SLC9A3: variants seen among roughly 807,000 people sequenced by gnomAD.
SLC9A3 encodes sodium/hydrogen exchanger 3.
Under a neutral mutation model 86.8 loss-of-function variants are expected in SLC9A3, and 37 were observed. That is an observed-to-expected ratio of 0.43 (90% confidence interval 0.33 to 0.56). The LOEUF is 0.56. Ranked by LOEUF, SLC9A3 falls within the 20% of genes least tolerant of loss-of-function variation. SLC9A3 has a pLI of 0.06. For missense variants in SLC9A3, 1,011 were observed against 1,171.9 expected, an observed-to-expected ratio of 0.86 and a Z score of 2.00; for synonymous variants, 581 against 528.3, an observed-to-expected ratio of 1.10 and a Z score of -1.37.
chr5:494,509 G>A (rs1739932345), intron 1 of SLC9A3, among the ~76,000 whole-genome samples: 1 of 152,230 alleles, frequency 6.6e-6, no homozygotes, highest in Non-Finnish European at 1.5e-5. Flanking sequence ...GAGTCCTGCT[G>A]GGGGTCCCTA....
intron 2 of SLC9A3, among the ~76,000 whole-genome samples, chr5:490,635 G>A: frequency 6.6e-6 from 1 of 152,222 alleles, no homozygotes; most frequent in East Asian, 1.9e-4. Flanking sequence ...GGATCTCATG[G>A]GCGAGGGGCC....
chr5:512,933 C>T lies in SLC9A3; in HGVS notation c.211+11179G>A, dbSNP rs181129034. Among the ~76,000 whole-genome samples the T allele has an allele frequency of 4.7e-3, 716 of 152,146 alleles. 3 individuals are homozygous for T. Among genetic ancestry groups the T allele is most frequent in the Non-Finnish European group, 8.0e-3 (544 of 68,008 alleles). ...CCACGGTGCTGACACTACTGTCCGG[C>T]GTCACCAAGATCAGAGCAAATACCA... is the stretch of plus-strand genomic sequence containing the variant. On this transcript the variant is annotated intron_variant, in intron 1 of 16. Transcript: ENST00000264938.
rs373687305 is a variant in SLC9A3 at position 500,319 on chromosome 5, C to T, written c.212-8248G>A. 4.2e-4 allele frequency among the ~76,000 whole-genome samples: 64 copies of T among 152,354 alleles called. 1 individual carries two copies. The South Asian group carries it at 7.7e-3, about 18-fold the overall frequency. ...ACCGGCTTCCGGCACCACTGGGACACGCCACGAGGCTCCCCCAGCTAGGTG... is the reference window on the plus strand; with the variant it reads ...ACCGGCTTCCGGCACCACTGGGACATGCCACGAGGCTCCCCCAGCTAGGTG... On this transcript the variant is annotated intron_variant, in intron 1 of 16. Coordinates refer to ENST00000264938, the MANE Select transcript of SLC9A3 (RefSeq NM_004174.4).
chr5:522,756 GAAAA>G (rs927046344), intron 1 of SLC9A3, among the ~76,000 whole-genome samples: 2 of 144,430 alleles, frequency 1.4e-5, no homozygotes, highest in Non-Finnish European at 3.0e-5. Context: ...AAAAAAAAAA[GAAAA>G]AAAAAGAAAT....
In SLC9A3 at chr5:497,752, CCTG is replaced by C. The variant is rs1740088242; in HGVS notation, c.212-5684_212-5682del. Among the ~76,000 whole-genome samples, 1 of 111,174 alleles carries C rather than the reference CCTG, an allele frequency of 9.0e-6. No homozygotes were observed. The allele number at this position is 111,174 out of a possible 152,430, so 72.9% of individuals were successfully genotyped here. On this transcript the variant is annotated intron_variant, in intron 1 of 16. Transcript: ENST00000264938. This position sits in a 1 kb window ranked among gnomAD's most constrained non-coding sequence, Gnocchi z 5.4. ...CCCGGCCGCATCCCCAGCCTCTGCC[CCTG>C]TCCCGGGTGGGGTCGCCCGGCCGCA... is the stretch of plus-strand genomic sequence containing the variant.
At chr5:490,240 G>A (rs978938132) in intron 2 of SLC9A3, among the ~76,000 whole-genome samples, 3 of 152,238 alleles carry the variant, frequency 2.0e-5, no homozygotes, top group African/African-American at 4.8e-5. Context: ...CTGCCCCAGG[G>A]GGCACAGCGA....
At chr5:483,524 G>T in intron 5 of SLC9A3, 42 bp from the exon 6 acceptor site, 1 of 1,396,856 alleles carries the variant, frequency 7.2e-7, no homozygotes, top group Non-Finnish European at 9.9e-7. Context: ...CACCTGGCCT[G>T]GCGCCCGAGG....
At chr5:492,175 AGGG>A (rs1739785694) in intron 1 of SLC9A3, 104 bp from the exon 2 acceptor site, 1 of 1,282 alleles carries the variant, frequency 7.8e-4, no homozygotes, top group Non-Finnish European at 1.6e-3. Context: ...CTCGTGGGGG[AGGG>A]GAGGGATGTC....
At chr5:495,288 C>T (rs1460963620) in intron 1 of SLC9A3, among the ~76,000 whole-genome samples, 1 of 151,198 alleles carries the variant, frequency 6.6e-6, no homozygotes, top group Admixed American at 6.6e-5. Flanking sequence ...CAGACAACCG[C>T]GGGCCAGCAA....
chr5:472,161 C>A lies in SLC9A3; in HGVS notation c.*1218G>T. 2.6e-6 allele frequency: 1 copy of A among 378,538 alleles called. No individual in the cohort carries two copies. The highest frequency in any genetic ancestry group is 5.2e-6 in the Non-Finnish European group (1 of 191,748). 23.4% of individuals were successfully genotyped at this position (378,538 alleles called of 1,614,324 possible). The stretch of plus-strand genomic sequence containing the variant: ...CGGCTCAGCACCCGCGGCCTCCGCC[C>A]ACTCAATGGACTGTGCCTCCCAGAG... On this transcript the variant is annotated 3_prime_UTR_variant, in exon 17 of 17. Coordinates refer to ENST00000264938, the MANE Select transcript of SLC9A3 (RefSeq NM_004174.4).
intron 1 of SLC9A3, among the ~76,000 whole-genome samples, chr5:513,849 A>C (rs148487070): frequency 6.6e-6 from 1 of 152,234 alleles, no homozygotes; most frequent in African/African-American, 2.4e-5. Flanking sequence ...TTTAGGTCGA[A>C]CGCAGCTCTC....
At chr5:519,886 T>C (rs10475280) in intron 1 of SLC9A3, among the ~76,000 whole-genome samples, 68,008 of 152,022 alleles carry the variant, frequency 0.45, 15,563 homozygotes, top group Admixed American at 0.51. Context: ...CCCTGTGCCC[T>C]AGCGTCCTCC....
At chr5:506,147 C>T (rs545380273) in intron 1 of SLC9A3, among the ~76,000 whole-genome samples, 118 of 152,204 alleles carry the variant, frequency 7.8e-4, no homozygotes, top group Non-Finnish European at 1.5e-3. Flanking sequence ...TGGCCACAGC[C>T]GCCACTATCA....
Position 476,547 on chromosome 5 carries a change from T to C in SLC9A3, c.1886A>G (p.Gln629Arg). Residue 629 changes from glutamine (Q) to arginine (R), a missense_variant, in exon 12 of 17, where the codon CAG (glutamine) becomes CGG (arginine). Gln to Arg is a conservative substitution (Grantham distance 43). Coordinates refer to ENST00000264938, the MANE Select transcript of SLC9A3 (RefSeq NM_004174.4). ...TLQQYLYKPRQEYKHLYSRHE... is the reference protein window; with the variant it reads ...TLQQYLYKPRREYKHLYSRHE... ...CCCCCAGCCCGCAGTGCCCACCTCC[T>C]GCCGCGGCTTGTACAGGTACTGCTG... 1 of 1,610,914 alleles carries C rather than the reference T, an allele frequency of 6.2e-7. No individual in the cohort carries two copies. The highest frequency in any genetic ancestry group is 8.5e-7 in the Non-Finnish European group (1 of 1,179,638).
rs1740609373 is a variant in SLC9A3 at position 506,959 on chromosome 5, T to C, written c.212-14888A>G. ...GGTGGCAGACACCTGTAGTCCCAGC[T>C]ACTCGGGAGGCTGAGGCAGGAGAAT... On this transcript the variant is annotated intron_variant, in intron 1 of 16. Transcript: ENST00000264938. Among the ~76,000 whole-genome samples, 4 of 149,830 alleles carry C rather than the reference T, an allele frequency of 2.7e-5. No individual in the cohort carries two copies. The South Asian group carries it at 8.6e-4, about 32-fold the overall frequency.
In SLC9A3 at chr5:472,059, G is replaced by C. The variant is rs111600778; in HGVS notation, c.*1320C>G. 2 of 452,294 alleles carry C rather than the reference G, an allele frequency of 4.4e-6. No individual in the cohort carries two copies. Among genetic ancestry groups the C allele is most frequent in the African/African-American group, 4.0e-5 (2 of 49,924 alleles). 28.0% of individuals were successfully genotyped at this position (452,294 alleles called of 1,614,324 possible). On this transcript the variant is annotated 3_prime_UTR_variant, in exon 17 of 17. Coordinates refer to ENST00000264938, the MANE Select transcript of SLC9A3 (RefSeq NM_004174.4). ...AGTGTCCACCTCCACCACTTCCACCGTGCAGGCAGGTTTCAGGTGGGTTGG... is the reference window on the plus strand; with the variant it reads ...AGTGTCCACCTCCACCACTTCCACCCTGCAGGCAGGTTTCAGGTGGGTTGG...
chr5:486,134 C>T (rs551655265), intron 3 of SLC9A3, among the ~76,000 whole-genome samples: 17 of 152,286 alleles, frequency 1.1e-4, no homozygotes, highest in Admixed American at 3.9e-4. Context: ...TGACGGGTTT[C>T]AAACCTTTCA....
chr5:490,367 G>A (rs1434489071), intron 2 of SLC9A3, among the ~76,000 whole-genome samples: 10 of 151,992 alleles, frequency 6.6e-5, no homozygotes, highest in African/African-American at 1.2e-4. Context: ...CAGGGGTGAC[G>A]TCCTGGTGTG....
In SLC9A3 at chr5:473,191, G is replaced by A; in HGVS notation, c.*188C>T. On this transcript the variant is annotated 3_prime_UTR_variant, in exon 17 of 17. Coordinates refer to ENST00000264938, the MANE Select transcript of SLC9A3 (RefSeq NM_004174.4). ...CCCGCCCCCGGCTCGCCCTCGGGCG[G>A]CTCTGCGGGCGCAGGCGCGGCACTC... The A allele has an allele frequency of 2.1e-6, 1 of 470,556 alleles. No individual in the cohort carries two copies. The highest frequency in any genetic ancestry group is 3.0e-6 in the Non-Finnish European group (1 of 334,496). The allele number at this position is 470,556 out of a possible 1,614,324, so 29.1% of individuals were successfully genotyped here.
Sources: gnomAD v4.1 joint callset for allele counts (sites outside exome capture counted in the v4.1 genomes callset) on GRCh38, gnomAD v4.1.1 for gene constraint, Gnocchi (gnomAD v3.1) non-coding constraint, MANE v1.5 for transcripts, NCBI Gene and HGNC (gene_info 2026-07-23, HGNC 2026-07-21) for gene names.